The following ZNF433 variants were observed in gnomAD, a reference collection of about 807,000 sequenced individuals.
The protein encoded by ZNF433 is zinc finger protein 433.
ZNF433 carries 12 observed loss-of-function variants against 10.6 expected under a neutral mutation model. That is an observed-to-expected ratio of 1.13 (90% CI 0.72 to 1.83). ZNF433 has a LOEUF of 1.83. Among genes scored for constraint, ZNF433 ranks in the 40% most tolerant of loss-of-function variants. The probability of loss-of-function intolerance (pLI) is 0.00; values close to 1 mark genes in which losing one functional copy is unlikely to be tolerated. For synonymous variants in ZNF433, 272 were observed against 271.3 expected (o/e 1.00, Z -0.02); for missense variants, 737 against 798.0 (o/e 0.92, Z 0.92).
intron 1 of ZNF433, among the ~76,000 whole-genome samples, chr19:12,028,258 C>T (rs910874803): frequency 6.6e-6 from 1 of 151,972 alleles, no homozygotes; most frequent in Non-Finnish European, 1.5e-5. Flanking sequence ...ATGTTATGGT[C>T]AAATGACTAC....
At position 12,017,905 on chromosome 19, in the gene ZNF433, T is replaced by C. The variant is rs1974289125; in HGVS notation, c.162A>G (p.Val54=). The change falls in exon 3 of 4, where the codon GTA becomes GTG. Residue 54 remains valine, a synonymous_variant. Coordinates refer to ENST00000550507, the MANE Select transcript of ZNF433 (RefSeq NM_001308348.2). The stretch of plus-strand genomic sequence containing the variant: ...GGTTTCTCCTTAGATTTTCGTACTC[T>C]ACATATATGTTCTGGGGTTTCCATT... The part of the protein sequence containing the change: ...GKKWKPQNIY[V]EYENLRRNLR... 3 of 1,595,560 alleles carry C rather than the reference T, an allele frequency of 1.9e-6. No individual in the cohort carries two copies. The highest frequency in any genetic ancestry group is 2.6e-6 in the Non-Finnish European group (3 of 1,174,674).
At chr19:12,032,058 C>G (rs2145487512) in intron 1 of ZNF433, among the ~76,000 whole-genome samples, 1 of 151,656 alleles carries the variant, frequency 6.6e-6, no homozygotes, top group African/African-American at 2.4e-5. Context: ...CCTGCCTCAG[C>G]CTCCCGAGTA....
At chr19:12,021,111 C>G (rs1268049725) in intron 1 of ZNF433, among the ~76,000 whole-genome samples, 1 of 151,700 alleles carries the variant, frequency 6.6e-6, no homozygotes, top group Non-Finnish European at 1.5e-5. Flanking sequence ...TCCCAAGTAG[C>G]TGGGATTACA....
At chr19:12,031,470 C>T (rs3848588) in intron 1 of ZNF433, among the ~76,000 whole-genome samples, 10,654 of 151,872 alleles carry the variant, frequency 0.07, 607 homozygotes, top group African/African-American at 0.16. Context: ...GCCAGCATGG[C>T]GAAACCCCTT....
intron 1 of ZNF433, among the ~76,000 whole-genome samples, chr19:12,028,718 G>A (rs1253842088): frequency 6.6e-6 from 1 of 151,552 alleles, no homozygotes; most frequent in Non-Finnish European, 1.5e-5. Context: ...TTTTGTTTAG[G>A]GACAGGTTCT....
chr19:12,018,009 A>G (rs2145414444), intron 2 of ZNF433, 73 bp from the exon 3 acceptor site: 1 of 1,310,110 alleles, frequency 7.6e-7, no homozygotes, highest in Admixed American at 2.5e-5. Flanking sequence ...TTCTATGTTC[A>G]TGGTACACTG....
rs1205442297 is a variant in ZNF433, at chr19:12,015,619, G to GT, written c.1238dup (p.His413GlnfsTer10). On this transcript the variant is annotated frameshift_variant, in exon 4 of 4. Coordinates refer to ENST00000550507, the MANE Select transcript of ZNF433 (RefSeq NM_001308348.2). LOFTEE classifies it low-confidence loss of function (END_TRUNC). ...TACACTCGTAAGGTTTCTCTCCAGT[G>GT]TGAGTTCTTTCATGATATCGGAAGG... 2.5e-6 allele frequency: 4 copies of GT among 1,613,992 alleles called. No homozygotes were observed. In the African/African-American group the frequency reaches 4.0e-5, roughly 16 times the overall value.
chr19:12,020,381 A>G (rs1390473393), intron 1 of ZNF433, among the ~76,000 whole-genome samples: 2 of 152,238 alleles, frequency 1.3e-5, no homozygotes, highest in Admixed American at 6.5e-5. Context: ...GTCAACAGGC[A>G]TAAGTATTTT....
In ZNF433 at chr19:12,016,357, A is replaced by G. The variant is rs1691218345; in HGVS notation, c.501T>C (p.Tyr167=). The G allele has an allele frequency of 3.1e-6, 5 of 1,613,756 alleles. No homozygotes were observed. The highest frequency in any genetic ancestry group is 4.2e-6 in the Non-Finnish European group (5 of 1,179,858). Residue 167 remains tyrosine, a synonymous_variant, in exon 4 of 4, where the codon TAT becomes TAC. Transcript: ENST00000550507. ...HERAHSGRKL[Y]VCEECGKTFI... Reference sequence around the variant, plus strand: ...ATGTTTTTCCGCATTCCTCACAAACATAGAGTTTCCTTCCACTATGAGCCC... The same window carrying G: ...ATGTTTTTCCGCATTCCTCACAAACGTAGAGTTTCCTTCCACTATGAGCCC...
rs1474983164 is a variant in ZNF433, at chr19:12,016,418, G to C, written c.440C>G (p.Pro147Arg). The change falls in exon 4 of 4, where the codon CCT becomes CGT. Residue 147 changes from proline to arginine, a missense_variant. Coordinates refer to ENST00000550507, the MANE Select transcript of ZNF433 (RefSeq NM_001308348.2). ...KPYKCKYCKK[P>R]FNCLSSVQTH... The stretch of plus-strand genomic sequence containing the variant: ...CTGAACAGAGGAGAGACAGTTGAAA[G>C]GTTTTTTACAGTATTTACATTTATA... 1 of 1,614,078 alleles carries C rather than the reference G, an allele frequency of 6.2e-7. No individual in the cohort carries two copies. The highest frequency in any genetic ancestry group is 1.1e-5 in the South Asian group (1 of 91,072).
chr19:12,032,189 C>T (rs1336725267), intron 1 of ZNF433, among the ~76,000 whole-genome samples: 2 of 152,010 alleles, frequency 1.3e-5, no homozygotes, highest in Non-Finnish European at 2.9e-5. Flanking sequence ...CTGTGCGCCT[C>T]GACCTCCCAA....
At chr19:12,026,114 G>A (rs1974722116) in intron 1 of ZNF433, 1 of 153,434 alleles carries the variant, frequency 6.5e-6, no homozygotes, top group Admixed American at 6.4e-5. Flanking sequence ...AACTGGTTTG[G>A]TGGAGAGATC....
At chr19:12,026,426 A>G (rs1414945525) in intron 1 of ZNF433, 1 of 304,790 alleles carries the variant, frequency 3.3e-6, no homozygotes, top group African/African-American at 2.3e-5. Context: ...ACCAGTCACA[A>G]TGAGTAATTT....
At chr19:12,035,179 C>CT (rs1975225803) in intron 1 of ZNF433, among the ~76,000 whole-genome samples, 1 of 152,182 alleles carries the variant, frequency 6.6e-6, no homozygotes, top group Non-Finnish European at 1.5e-5. Context: ...ACTGGGGACC[C>CT]CACAGCCCAC....
chr19:12,032,939 G>A (rs963042642), intron 1 of ZNF433, among the ~76,000 whole-genome samples: 1 of 152,190 alleles, frequency 6.6e-6, no homozygotes, highest in African/African-American at 2.4e-5. Flanking sequence ...GGGCAATGCT[G>A]ACTAGAAAGA....
intron 1 of ZNF433, chr19:12,027,339 A>G (rs1175927344): frequency 3.2e-6 from 1 of 317,434 alleles, no homozygotes; most frequent in Non-Finnish European, 6.0e-6. Flanking sequence ...AAAAACAAAA[A>G]GGGGGAACAT....
intron 1 of ZNF433, chr19:12,024,208 A>G (rs766796379): frequency 6.6e-6 from 1 of 152,244 alleles, no homozygotes; most frequent in Non-Finnish European, 1.5e-5. Flanking sequence ...AACTGACTTA[A>G]GAGCCATTAA....
At position 12,020,042 on chromosome 19, in the gene ZNF433, T is replaced by C. The variant is rs193200425; in HGVS notation, c.4-1750A>G. ...ATCTTAGCACTTTGGGAGTCCGAGG[T>C]GGGCGGATGACTTGAGGTCAGGGGT... is the stretch of plus-strand genomic sequence containing the variant. On this transcript the variant is annotated intron_variant, in intron 1 of 3. Transcript: ENST00000550507. Among the ~76,000 whole-genome samples the C allele has an allele frequency of 5.3e-4, 80 of 152,216 alleles. No homozygotes were observed. The East Asian group carries it at 0.015, about 29-fold the overall frequency.
At chr19:12,030,589 T>C (rs1974970283) in intron 1 of ZNF433, among the ~76,000 whole-genome samples, 2 of 152,158 alleles carry the variant, frequency 1.3e-5, no homozygotes, top group African/African-American at 4.8e-5. Context: ...CTAAGATAGA[T>C]AGGCACTAGC....
Sources: allele counts gnomAD v4.1 joint callset (sites outside exome capture counted in the v4.1 genomes callset), GRCh38; gene constraint gnomAD v4.1.1; transcripts MANE v1.5; gene names NCBI Gene and HGNC (gene_info 2026-07-23, HGNC 2026-07-21).